The following ZNF565 variants were observed in gnomAD, a reference collection of about 807,000 sequenced individuals.
The protein encoded by ZNF565 is zinc finger protein 565.
In ZNF565, 27 loss-of-function variants were observed where a neutral mutation model predicts 39.4. That is an observed-to-expected ratio of 0.69 (90% CI 0.51 to 0.95). The LOEUF is 0.95. Among genes scored for constraint, ZNF565 ranks in the 40% least tolerant of loss-of-function variants. The pLI, the probability that ZNF565 is intolerant of heterozygous loss-of-function variation, is 0.00. For synonymous variants in ZNF565, 185 were observed against 216.6 expected (o/e 0.85, Z 1.28); for missense variants, 524 against 621.1 (o/e 0.84, Z 1.66).
chr19:36,196,869 C>T (rs1975777924), intron 2 of ZNF565, among the ~76,000 whole-genome samples: 1 of 151,932 alleles, frequency 6.6e-6, no homozygotes. Context: ...AACAGCCTGG[C>T]CAACATGGCG....
downstream of ZNF565, chr19:36,182,098 G>A (rs140195102): frequency 9.7e-4 from 163 of 168,104 alleles, 1 homozygote; most frequent in East Asian, 0.014. Context: ...ATGATCTGCC[G>A]GCCTTGGCCT....
chr19:36,231,897 A>G (rs1175951758), intron 1 of ZNF565, among the ~76,000 whole-genome samples: 3 of 142,818 alleles, frequency 2.1e-5, no homozygotes, highest in Admixed American at 7.0e-5. Flanking sequence ...GAGACCCCGT[A>G]TCTTTTTTAT....
intron 2 of ZNF565, among the ~76,000 whole-genome samples, chr19:36,196,488 T>A (rs1360251163): frequency 6.6e-6 from 1 of 152,212 alleles, no homozygotes. Flanking sequence ...CACAGTTATA[T>A]GACTAGAGGT....
intron 4 of ZNF565, among the ~76,000 whole-genome samples, chr19:36,188,758 G>C (rs946608944): frequency 4.6e-5 from 7 of 150,764 alleles, no homozygotes; most frequent in African/African-American, 1.7e-4. Context: ...AAACAGATGA[G>C]TGAATAAACA....
chr19:36,223,519 C>T (rs1485623224), intron 1 of ZNF565, among the ~76,000 whole-genome samples: 1 of 151,922 alleles, frequency 6.6e-6, no homozygotes, highest in Non-Finnish European at 1.5e-5. Flanking sequence ...CATGCCACCA[C>T]GCCTGGTTAA....
At chr19:36,204,116 A>C (rs1382341630) in intron 1 of ZNF565, among the ~76,000 whole-genome samples, 4 of 148,480 alleles carry the variant, frequency 2.7e-5, no homozygotes, top group Non-Finnish European at 6.0e-5. Context: ...CGCCTGGCTA[A>C]TTTTTGCATT....
intron 1 of ZNF565, among the ~76,000 whole-genome samples, chr19:36,213,875 CA>C (rs987680496): frequency 6.6e-6 from 1 of 151,760 alleles, no homozygotes; most frequent in Non-Finnish European, 1.5e-5. Context: ...TTTCCAGTCA[CA>C]ATCACACACC....
chr19:36,197,285 AAACAACAACAAC>A (rs571202635), intron 2 of ZNF565, among the ~76,000 whole-genome samples: 1 of 151,404 alleles, frequency 6.6e-6, no homozygotes, highest in Non-Finnish European at 1.5e-5. Flanking sequence ...AAAAACAAAC[AAACAACAACAAC>A]AACAACAAAA....
At chr19:36,188,762 AT>A (rs1292245007) in intron 4 of ZNF565, among the ~76,000 whole-genome samples, 25 of 152,270 alleles carry the variant, frequency 1.6e-4, no homozygotes, top group Non-Finnish European at 2.4e-4. Context: ...AGATGAGTGA[AT>A]AAACAAAGTG....
At chr19:36,197,334 T>G (rs1017154230) in intron 2 of ZNF565, among the ~76,000 whole-genome samples, 1 of 151,118 alleles carries the variant, frequency 6.6e-6, no homozygotes, top group Middle Eastern at 3.5e-3. Flanking sequence ...TAGCTGGGCA[T>G]GATGGTGCGT....
upstream of ZNF565, among the ~76,000 whole-genome samples, chr19:36,217,425 G>A (rs1441470590): frequency 2.6e-5 from 4 of 151,978 alleles, no homozygotes; most frequent in Non-Finnish European, 1.5e-5. Flanking sequence ...AACAGTTCAT[G>A]CCCATCAGTG....
intron 1 of ZNF565, among the ~76,000 whole-genome samples, chr19:36,221,407 G>A (rs1196154224): frequency 6.7e-6 from 1 of 148,564 alleles, no homozygotes; most frequent in African/African-American, 2.5e-5. Context: ...TTCTGCCTCA[G>A]CCTCCCGAGT....
chr19:36,244,708 G>A (rs1022796373), intron 1 of ZNF565, among the ~76,000 whole-genome samples: 1 of 151,984 alleles, frequency 6.6e-6, no homozygotes, highest in African/African-American at 2.4e-5. Flanking sequence ...AAAATTAGCC[G>A]GGTGTGGTGG....
At chr19:36,192,187 C>G (rs1318857260) in intron 4 of ZNF565, among the ~76,000 whole-genome samples, 4 of 151,684 alleles carry the variant, frequency 2.6e-5, no homozygotes, top group Non-Finnish European at 5.9e-5. Flanking sequence ...CGGGGTTTCA[C>G]CATATTGGCC....
chr19:36,185,321 G>A (rs1419599108), intron 4 of ZNF565, among the ~76,000 whole-genome samples: 1 of 151,236 alleles, frequency 6.6e-6, no homozygotes, highest in Non-Finnish European at 1.5e-5. Flanking sequence ...GGCTGAGGCA[G>A]GAGAATCACT....
At chr19:36,187,946 A>G (rs749234207) in intron 4 of ZNF565, among the ~76,000 whole-genome samples, 37 of 151,188 alleles carry the variant, frequency 2.4e-4, no homozygotes, top group Non-Finnish European at 4.4e-4. Context: ...CCCAGCCTCC[A>G]AACATATAAT....
At chr19:36,222,778 C>CTTTTTTTTTTTTTTTTTTTT (rs55668684) in intron 1 of ZNF565, among the ~76,000 whole-genome samples, 2 of 100,886 alleles carry the variant, frequency 2.0e-5, no homozygotes, top group Non-Finnish European at 4.0e-5. Context: ...TGAGTGGTGG[C>CTTTTTTTTTTTTTTTTTTTT]TTTTTTTTTT....
At chr19:36,198,374 C>A (rs1568417593) in intron 2 of ZNF565, among the ~76,000 whole-genome samples, 1 of 152,008 alleles carries the variant, frequency 6.6e-6, no homozygotes, top group African/African-American at 2.4e-5. Flanking sequence ...ATGAAGTAAG[C>A]CAGGCACAGA....
rs1438379139 is a variant in ZNF565, at chr19:36,245,370, C to A, written c.55+106G>T. On this transcript the variant is annotated intron_variant, in intron 1 of 4. Transcript: ENST00000355114. This position sits in a 1 kb window ranked among gnomAD's most constrained non-coding sequence, Gnocchi z 4.4. Reference sequence around the variant, plus strand: ...ATTCTAGGGTCTGATCTGGCGGGCTCGAAGGGAGGACAGTCACTGCGACCC... The same window carrying A: ...ATTCTAGGGTCTGATCTGGCGGGCTAGAAGGGAGGACAGTCACTGCGACCC... The A allele has an allele frequency of 4.4e-6, 3 of 688,236 alleles. No individual in the cohort carries two copies. Among genetic ancestry groups the A allele is most frequent in the African/African-American group, 1.8e-5 (1 of 57,006 alleles). The allele number at this position is 688,236 out of a possible 1,614,324, so 42.6% of individuals were successfully genotyped here.
Sources: allele counts gnomAD v4.1 joint callset (sites outside exome capture counted in the v4.1 genomes callset), GRCh38; gene constraint gnomAD v4.1.1; non-coding constraint Gnocchi (gnomAD v3.1); transcripts MANE v1.5; gene names NCBI Gene and HGNC (gene_info 2026-07-23, HGNC 2026-07-21).